RANBP2: variants seen among roughly 807,000 people sequenced by gnomAD.
RANBP2 encodes E3 SUMO-protein ligase RanBP2.
RANBP2 carries 57 observed loss-of-function variants against 303.6 expected under a neutral mutation model. The ratio of observed to expected loss-of-function variants is 0.19; its 90% CI spans 0.15 to 0.23. The LOEUF is 0.23. RANBP2 is among the 10% of genes least tolerant of loss of function. The pLI is 1.00. For synonymous variants in RANBP2, 1,167 were observed against 1,301.5 expected, an observed-to-expected ratio of 0.90 and a Z score of 2.23; for missense variants, 3,138 against 3,780.8, an observed-to-expected ratio of 0.83 and a Z score of 4.46.
chr2:109,180,031 G>A, the RANBP2 span, among the ~76,000 whole-genome samples: 1 of 152,118 alleles, frequency 6.6e-6, no homozygotes, highest in Non-Finnish European at 1.5e-5. Context: ...CTCAAGTGGT[G>A]GGATCTTATT....
At chr2:109,138,050 C>A in the RANBP2 span, among the ~76,000 whole-genome samples, 1 of 152,200 alleles carries the variant, frequency 6.6e-6, no homozygotes, top group Admixed American at 6.5e-5. Context: ...CAGTCTTGCT[C>A]TGTTACCCTA....
the RANBP2 span, among the ~76,000 whole-genome samples, chr2:109,328,710 A>G: frequency 1.3e-5 from 2 of 152,244 alleles, no homozygotes; most frequent in East Asian, 1.9e-4. Flanking sequence ...CCTGGTCATC[A>G]CTGTGTCCTG....
the RANBP2 span, chr2:109,543,159 T>C: frequency 1.3e-5 from 2 of 152,764 alleles, no homozygotes; most frequent in Admixed American, 1.3e-4. Context: ...ATATGAATTA[T>C]GTGCATTTTT....
the RANBP2 span, among the ~76,000 whole-genome samples, chr2:109,448,833 T>C: frequency 1.3e-5 from 2 of 152,172 alleles, no homozygotes; most frequent in Non-Finnish European, 2.9e-5. Flanking sequence ...GCCAAAATGG[T>C]TGGGGACCGC....
At chr2:108,880,724 C>T in the RANBP2 span, among the ~76,000 whole-genome samples, 1 of 152,114 alleles carries the variant, frequency 6.6e-6, no homozygotes, top group East Asian at 1.9e-4. Flanking sequence ...ATACTTTAAG[C>T]CTGCTGTTGA....
the RANBP2 span, among the ~76,000 whole-genome samples, chr2:109,097,814 A>G: frequency 6.6e-6 from 1 of 150,920 alleles, no homozygotes; most frequent in Non-Finnish European, 1.5e-5. Context: ...GCTTGCTTCA[A>G]GGTGGTCGGG....
At chr2:109,547,950 A>G in the RANBP2 span, among the ~76,000 whole-genome samples, 1 of 152,196 alleles carries the variant, frequency 6.6e-6, no homozygotes, top group South Asian at 2.1e-4. Context: ...GTGCTGGGGT[A>G]ACTGTGGGAG....
the RANBP2 span, among the ~76,000 whole-genome samples, chr2:109,766,141 G>A: frequency 3.3e-5 from 5 of 150,848 alleles, no homozygotes; most frequent in Non-Finnish European, 5.9e-5. Context: ...AGTTGACTGC[G>A]TGGCTCTCAT....
chr2:109,472,872 A>G, the RANBP2 span, among the ~76,000 whole-genome samples: 1 of 152,216 alleles, frequency 6.6e-6, no homozygotes, highest in Non-Finnish European at 1.5e-5. Flanking sequence ...GACATATCCC[A>G]GGGCAGACAG....
At chr2:109,532,222 T>C in the RANBP2 span, among the ~76,000 whole-genome samples, 1 of 152,142 alleles carries the variant, frequency 6.6e-6, no homozygotes, top group Non-Finnish European at 1.5e-5. Context: ...GGCAGAAGCA[T>C]CCCCTGCAAG....
the RANBP2 span, among the ~76,000 whole-genome samples, chr2:109,066,907 C>T: frequency 6.6e-6 from 1 of 152,242 alleles, no homozygotes; most frequent in African/African-American, 2.4e-5. Flanking sequence ...TGAGAGATGT[C>T]CAGGGTGCTC....
the RANBP2 span, chr2:109,594,611 C>G: frequency 6.6e-6 from 1 of 152,236 alleles, no homozygotes; most frequent in Non-Finnish European, 1.5e-5. Context: ...CTGTCCTCTC[C>G]TCTGCAATTA....
At chr2:109,516,956 T>C in the RANBP2 span, among the ~76,000 whole-genome samples, 2 of 152,048 alleles carry the variant, frequency 1.3e-5, no homozygotes, top group African/African-American at 4.8e-5. Flanking sequence ...CTCAGCAAAA[T>C]GAGCCCCAGC....
the RANBP2 span, among the ~76,000 whole-genome samples, chr2:109,024,859 A>G: frequency 1.3e-5 from 2 of 152,218 alleles, no homozygotes; most frequent in African/African-American, 4.8e-5. Context: ...TGCAAAAACT[A>G]TATATATAGC....
At chr2:109,419,177 A>G in the RANBP2 span, among the ~76,000 whole-genome samples, 4 of 152,090 alleles carry the variant, frequency 2.6e-5, no homozygotes, top group Admixed American at 6.6e-5. Flanking sequence ...GTTTCATAGC[A>G]TGAAAGATTT....
the RANBP2 span, among the ~76,000 whole-genome samples, chr2:109,620,148 T>A: frequency 1.3e-5 from 2 of 152,248 alleles, no homozygotes; most frequent in African/African-American, 4.8e-5. Flanking sequence ...GCCTGGCATG[T>A]TGAAGGTACT....
the RANBP2 span, among the ~76,000 whole-genome samples, chr2:108,964,869 G>A: frequency 6.6e-6 from 1 of 152,160 alleles, no homozygotes; most frequent in Non-Finnish European, 1.5e-5. Context: ...AAACTGTGTA[G>A]CATGACAAAA....
chr2:109,463,480 A>G, the RANBP2 span, among the ~76,000 whole-genome samples: 15 of 152,206 alleles, frequency 9.9e-5, no homozygotes, highest in Non-Finnish European at 8.8e-5. Flanking sequence ...GAGCTTTTCA[A>G]GGGTGCGAGG....
the RANBP2 span, among the ~76,000 whole-genome samples, chr2:109,042,345 TTTA>T: frequency 6.6e-6 from 1 of 152,210 alleles, no homozygotes. Flanking sequence ...TTCCTGCAGT[TTTA>T]TTATTGATGT....
Sources: allele counts gnomAD v4.1 joint callset (sites outside exome capture counted in the v4.1 genomes callset), GRCh38; gene constraint gnomAD v4.1.1; transcripts MANE v1.5; gene names NCBI Gene and HGNC (gene_info 2026-07-23, HGNC 2026-07-21).